The following DPF3 variants were observed in gnomAD, a reference collection of about 807,000 sequenced individuals.
DPF3 encodes double PHD fingers 3.
A neutral mutation model predicts 56.8 loss-of-function variants in DPF3; 18 were observed. The observed-to-expected ratio is 0.32, with a 90% CI of 0.22 to 0.47. The LOEUF (loss-of-function observed/expected upper bound fraction) is 0.47, where lower values mean the gene tolerates loss of function less well. Among genes scored for constraint, DPF3 ranks in the 20% least tolerant of loss-of-function variants. The pLI is 1.00. For missense variants in DPF3, 403 were observed against 488.8 expected (o/e 0.82, Z 1.65); for synonymous variants, 188 against 180.2 (o/e 1.04, Z -0.35).
rs1884114852 is a variant in DPF3, at chr14:72,616,720, C to T, written c.*2577G>A. Among the ~76,000 whole-genome samples, 1 of 152,320 alleles carries T rather than the reference C, an allele frequency of 6.6e-6. No individual in the cohort carries two copies. Among genetic ancestry groups the T allele is most frequent in the Admixed American group, 6.5e-5 (1 of 15,304 alleles). ...CACAGCTACTCCATGGCAGAGGCAA[C>T]ACAAAAACTCTGATCCTTCACATGC... On this transcript the variant is annotated 3_prime_UTR_variant, in exon 11 of 11. Coordinates refer to ENST00000556509, the MANE Select transcript of DPF3 (RefSeq NM_001280542.3).
intron 4 of DPF3, among the ~76,000 whole-genome samples, chr14:72,724,551 C>G (rs1273854834): frequency 6.6e-6 from 1 of 151,936 alleles, no homozygotes; most frequent in Non-Finnish European, 1.5e-5. Flanking sequence ...ACGTCACTCC[C>G]TTTAGAGGAA....
At chr14:72,733,807 C>T (rs1889774424) in intron 3 of DPF3, among the ~76,000 whole-genome samples, 1 of 152,166 alleles carries the variant, frequency 6.6e-6, no homozygotes, top group African/African-American at 2.4e-5. Flanking sequence ...CTTCCTCCAC[C>T]AGAAACAGAG....
rs139470451 is a variant in DPF3 at position 72,767,117 on chromosome 14, T to C, written c.193+4616A>G. 3.0e-3 allele frequency among the ~76,000 whole-genome samples: 456 copies of C among 152,356 alleles called. 2 individuals carry two copies. The highest frequency in any genetic ancestry group is 0.01 in the African/African-American group (435 of 41,590). On this transcript the variant is annotated intron_variant, in intron 2 of 10. Coordinates refer to ENST00000556509, the MANE Select transcript of DPF3 (RefSeq NM_001280542.3). ...GTCAACAGAAGCCAAGTAGAGAAGATGGATTTCCACATCCATCTGACAGTA... is the reference window on the plus strand; with the variant it reads ...GTCAACAGAAGCCAAGTAGAGAAGACGGATTTCCACATCCATCTGACAGTA...
chr14:72,746,030 G>T (rs774919057), intron 3 of DPF3, among the ~76,000 whole-genome samples: 1 of 152,162 alleles, frequency 6.6e-6, no homozygotes, highest in Non-Finnish European at 1.5e-5. Context: ...CAGAAGAGGG[G>T]CTGAGATCTA....
At chr14:72,816,876 A>C (rs1416498719) in intron 1 of DPF3, among the ~76,000 whole-genome samples, 1 of 152,194 alleles carries the variant, frequency 6.6e-6, no homozygotes, top group African/African-American at 2.4e-5. Flanking sequence ...CTGGAATATC[A>C]AGATCAATCT....
At chr14:72,892,680 C>T (rs1886800902) in intron 1 of DPF3, 5 of 1,026,536 alleles carry the variant, frequency 4.9e-6, no homozygotes, top group Non-Finnish European at 5.8e-6. Flanking sequence ...GGGTCGACAG[C>T]GGCCACGCAC....
chr14:72,875,700 C>T (rs1003630331), intron 1 of DPF3, among the ~76,000 whole-genome samples: 2 of 152,138 alleles, frequency 1.3e-5, no homozygotes, highest in East Asian at 3.9e-4. Context: ...ACAAAGTATG[C>T]AAGGAACGAA....
chr14:72,702,054 C>T (rs1888186914), intron 6 of DPF3, among the ~76,000 whole-genome samples: 1 of 152,188 alleles, frequency 6.6e-6, no homozygotes, highest in Non-Finnish European at 1.5e-5. Flanking sequence ...GAAACTGAGT[C>T]TGGGGGAGTT....
chr14:72,858,530 C>A (rs1000178691), intron 1 of DPF3, among the ~76,000 whole-genome samples: 2 of 152,052 alleles, frequency 1.3e-5, no homozygotes, highest in Non-Finnish European at 2.9e-5. Context: ...CTTAGGGACC[C>A]CTTCAATTCA....
At chr14:72,855,825 C>T (rs1885150942) in intron 1 of DPF3, among the ~76,000 whole-genome samples, 1 of 152,200 alleles carries the variant, frequency 6.6e-6, no homozygotes, top group Non-Finnish European at 1.5e-5. Flanking sequence ...CATCAGGGTA[C>T]TCTTAGCTGA....
At chr14:72,725,492 G>A (rs1773913171) in intron 4 of DPF3, among the ~76,000 whole-genome samples, 1 of 152,084 alleles carries the variant, frequency 6.6e-6, no homozygotes, top group African/African-American at 2.4e-5. Flanking sequence ...CTGAGGCAGG[G>A]AGAGGAACAC....
intron 2 of DPF3, among the ~76,000 whole-genome samples, chr14:72,766,589 C>A (rs1891297956): frequency 6.6e-6 from 1 of 152,140 alleles, no homozygotes; most frequent in Non-Finnish European, 1.5e-5. Context: ...GTAGCTGGGA[C>A]TACAGGCACG....
At chr14:72,778,787 A>G (rs1030894664) in intron 1 of DPF3, among the ~76,000 whole-genome samples, 1 of 152,166 alleles carries the variant, frequency 6.6e-6, no homozygotes, top group African/African-American at 2.4e-5. Context: ...AGAGATTCCA[A>G]TCCCCTTTCC....
chr14:72,647,971 T>C (rs1168919142), intron 8 of DPF3, among the ~76,000 whole-genome samples: 1 of 152,186 alleles, frequency 6.6e-6, no homozygotes, highest in African/African-American at 2.4e-5. Flanking sequence ...GCACCTATCT[T>C]AGATTCCACA....
chr14:72,633,925 T>C (rs1885301482), intron 8 of DPF3, among the ~76,000 whole-genome samples: 1 of 152,196 alleles, frequency 6.6e-6, no homozygotes, highest in Admixed American at 6.5e-5. Context: ...GGACAATGGA[T>C]GGTAGCAAGT....
At chr14:72,825,649 G>A (rs1226991597) in intron 1 of DPF3, among the ~76,000 whole-genome samples, 1 of 152,146 alleles carries the variant, frequency 6.6e-6, no homozygotes, top group Non-Finnish European at 1.5e-5. Context: ...CCCTGGGGAA[G>A]ACAGATTGTC....
intron 1 of DPF3, among the ~76,000 whole-genome samples, chr14:72,830,500 C>T (rs1015926485): frequency 6.6e-6 from 1 of 152,326 alleles, no homozygotes; most frequent in Middle Eastern, 3.4e-3. Context: ...TCCACCTCTC[C>T]TCATTCCCTG....
chr14:72,692,940 A>C (rs1887753615), intron 7 of DPF3, 136 bp downstream of exon 7: 1 of 1,451,002 alleles, frequency 6.9e-7, no homozygotes, highest in Admixed American at 2.1e-5. Context: ...TGAAAGGGCC[A>C]ACACACTACA....
chr14:72,706,676 C>A (rs1888416357), intron 6 of DPF3, among the ~76,000 whole-genome samples: 1 of 152,162 alleles, frequency 6.6e-6, no homozygotes, highest in Admixed American at 6.5e-5. Flanking sequence ...ACCCATCAGG[C>A]TCCTTGCTTT....
Sources: allele counts gnomAD v4.1 joint callset (sites outside exome capture counted in the v4.1 genomes callset), GRCh38; gene constraint gnomAD v4.1.1; transcripts MANE v1.5; gene names NCBI Gene and HGNC (gene_info 2026-07-23, HGNC 2026-07-21).